Variants in GPATCH3 observed in about 807,000 individuals in gnomAD.
GPATCH3 encodes G-patch domain containing 3.
GPATCH3 carries 45 observed loss-of-function variants against 53.2 expected under a neutral mutation model. The ratio of observed to expected loss-of-function variants is 0.85; its 90% confidence interval spans 0.67 to 1.08. The LOEUF is 1.08. Ranked by LOEUF, GPATCH3 falls within the 50% of genes least tolerant of loss-of-function variation. The probability of loss-of-function intolerance (pLI) is 0.00; values close to 1 mark genes in which losing one functional copy is unlikely to be tolerated. For missense variants in GPATCH3, 680 were observed against 687.2 expected, an observed-to-expected ratio of 0.99 and a Z score of 0.12; for synonymous variants, 280 against 270.6, an observed-to-expected ratio of 1.03 and a Z score of -0.34.
At chr1:26,893,693 G>C (rs533640456) in intron 3 of GPATCH3, among the ~76,000 whole-genome samples, 22 of 151,938 alleles carry the variant, frequency 1.4e-4, no homozygotes, top group Non-Finnish European at 2.4e-4. Context: ...GCTAATTTTT[G>C]TATTTTTCAT....
intron 1 of GPATCH3, among the ~76,000 whole-genome samples, chr1:26,898,549 A>G (rs1376005354): frequency 6.6e-6 from 1 of 151,046 alleles, no homozygotes; most frequent in African/African-American, 2.4e-5. Context: ...GCCTCAAGTG[A>G]TATCTACCCA....
Position 26,897,567 on chromosome 1 carries a change from C to T in GPATCH3, c.610G>A (p.Glu204Lys). 1.2e-6 allele frequency: 2 copies of T among 1,614,220 alleles called. No homozygotes were observed. Among genetic ancestry groups the T allele is most frequent in the Non-Finnish European group, 1.7e-6 (2 of 1,180,050 alleles). ...GGTAGGCGGCAGGCCCGGATCAACT[C>T]CAAAAAGACCCGCAGGGGAGTCCCC... ...NVGTPLRVFL[E>K]LIRACRLPPR... Residue 204 changes from glutamate (E) to lysine (K), a missense_variant, in exon 2 of 7, where the codon GAG becomes AAG. Coordinates refer to ENST00000361720, the MANE Select transcript of GPATCH3 (RefSeq NM_022078.3).
intron 6 of GPATCH3, among the ~76,000 whole-genome samples, chr1:26,891,468 C>T (rs1041898875): frequency 6.6e-6 from 1 of 151,724 alleles, no homozygotes; most frequent in African/African-American, 2.4e-5. Flanking sequence ...GTCCAAACTC[C>T]TCCAACAAAG....
chr1:26,894,134 T>C (rs78128878), intron 3 of GPATCH3, 102 bp downstream of exon 3: 75,387 of 1,189,602 alleles, frequency 0.063, 2,736 homozygotes, highest in Non-Finnish European at 0.073. Flanking sequence ...TTCCCTAGCC[T>C]TTTGTTTGGG....
chr1:26,898,665 TTTC>T (rs1183652058), intron 1 of GPATCH3, among the ~76,000 whole-genome samples: 1 of 151,734 alleles, frequency 6.6e-6, no homozygotes, highest in Non-Finnish European at 1.5e-5. Context: ...ATTTCTTTTT[TTTC>T]TTCTTTTTTT....
At position 26,897,515 on chromosome 1, in the gene GPATCH3, AGC is replaced by A; in HGVS notation, c.660_661del (p.Gln220HisfsTer18). The A allele has an allele frequency of 6.2e-7, 1 of 1,614,202 alleles. No homozygotes were observed. The highest frequency in any genetic ancestry group is 1.1e-5 in the South Asian group (1 of 91,082). ...GGAGGAACCTGTCTTGGGGAACTGG[AGC>A]TGCAGCTGGGTGATGATCCGAGGGG... On this transcript the variant is annotated frameshift_variant, in exon 2 of 7. Transcript: ENST00000361720. LOFTEE classifies it high-confidence loss of function.
At chr1:26,895,540 AAAAGG>A (rs1319834030) in intron 2 of GPATCH3, among the ~76,000 whole-genome samples, 1 of 151,084 alleles carries the variant, frequency 6.6e-6, no homozygotes, top group Admixed American at 6.6e-5. Context: ...AAAAAAAAAA[AAAAGG>A]AAAGGAAGGA....
At chr1:26,896,858 T>C (rs1411525658) in intron 2 of GPATCH3, among the ~76,000 whole-genome samples, 1 of 149,332 alleles carries the variant, frequency 6.7e-6, no homozygotes, top group Non-Finnish European at 1.5e-5. Flanking sequence ...CCGTCTCTAC[T>C]AAAAATACAA....
chr1:26,890,822 G>A lies in GPATCH3; in HGVS notation c.*188C>T. The A allele has an allele frequency of 1.3e-6, 1 of 776,426 alleles. No individual in the cohort carries two copies. The highest frequency in any genetic ancestry group is 2.4e-6 in the Non-Finnish European group (1 of 417,654). 48.1% of individuals were successfully genotyped at this position (776,426 alleles called of 1,614,324 possible). A position where few individuals can be genotyped will look rare whatever the true frequency, so the allele number is the denominator to read the frequency against. ...GTTACCCCTAATATCCAAGGGGAGG[G>A]GACGGGAGGGGGCTTTTTGTAAAAA... On this transcript the variant is annotated 3_prime_UTR_variant, in exon 7 of 7. Transcript: ENST00000361720.
chr1:26,892,924 G>A (rs1018565538), intron 4 of GPATCH3, 133 bp from the exon 5 acceptor site: 1 of 1,132,676 alleles, frequency 8.8e-7, no homozygotes, highest in Non-Finnish European at 1.3e-6. Context: ...TAGACTGGGA[G>A]CTCCCCAAAA....
At position 26,890,688 on chromosome 1, in the gene GPATCH3, C is replaced by A; in HGVS notation, c.*322G>T. 2.0e-6 allele frequency: 1 copy of A among 494,706 alleles called. No individual in the cohort carries two copies. Among genetic ancestry groups the A allele is most frequent in the Non-Finnish European group, 3.9e-6 (1 of 254,666 alleles). 30.6% of individuals were successfully genotyped at this position (494,706 alleles called of 1,614,324 possible). A position where few individuals can be genotyped will look rare whatever the true frequency, so the allele number is the denominator to read the frequency against. On this transcript the variant is annotated 3_prime_UTR_variant, in exon 7 of 7. Coordinates refer to ENST00000361720, the MANE Select transcript of GPATCH3 (RefSeq NM_022078.3). ...GCCTTCGTGGGGACACCTTCAGAGT[C>A]CCCAAGGAAGGCTGTGCTGATAGCC...
intron 1 of GPATCH3, among the ~76,000 whole-genome samples, chr1:26,899,678 A>G (rs2081966233): frequency 1.3e-5 from 2 of 152,220 alleles, no homozygotes; most frequent in South Asian, 2.1e-4. Context: ...AGAGCAGGAG[A>G]GAAAGACAGT....
At chr1:26,897,816 TTCCCTAGTAAACATCTAGTAAA>T (rs1483698030) in intron 1 of GPATCH3, 91 bp from the exon 2 acceptor site, 32 of 1,053,606 alleles carry the variant, frequency 3.0e-5, no homozygotes, top group Non-Finnish European at 4.0e-5. Flanking sequence ...CTGTTAGCCT[TTCCCTAGTAAACATCTAGTAAA>T]TCCCTAGTAA....
In GPATCH3 at chr1:26,891,075, G is replaced by C; in HGVS notation, c.1513C>G (p.Arg505Gly). The C allele has an allele frequency of 6.2e-7, 1 of 1,614,138 alleles. No individual in the cohort carries two copies. Among genetic ancestry groups the C allele is most frequent in the East Asian group, 2.2e-5 (1 of 44,884 alleles). Residue 505 changes from arginine (R) to glycine (G), a missense_variant, in exon 7 of 7, where the codon CGG (arginine) becomes GGG (glycine). Physicochemically the swap from Arg to Gly is moderately radical, Grantham distance 125. Coordinates refer to ENST00000361720, the MANE Select transcript of GPATCH3 (RefSeq NM_022078.3). Reference sequence around the variant, plus strand: ...CCCCTCACAAAGGCCATGTCTGTCCGAAACTTCATGCTGGTGGGTGGCTGG... The same window carrying C: ...CCCCTCACAAAGGCCATGTCTGTCCCAAACTTCATGCTGGTGGGTGGCTGG... ...RRQPPTSMKF[R>G]TDMAFVRGSS...
rs1486209579 is a variant in GPATCH3 at position 26,890,823 on chromosome 1, G to A, written c.*187C>T. ...TTACCCCTAATATCCAAGGGGAGGG[G>A]ACGGGAGGGGGCTTTTTGTAAAAAT... On this transcript the variant is annotated 3_prime_UTR_variant, in exon 7 of 7. Coordinates refer to ENST00000361720, the MANE Select transcript of GPATCH3 (RefSeq NM_022078.3). 1.3e-6 allele frequency: 1 copy of A among 776,950 alleles called. No homozygotes were observed. The highest frequency in any genetic ancestry group is 1.4e-5 in the South Asian group (1 of 73,754). 48.1% of individuals were successfully genotyped at this position (776,950 alleles called of 1,614,324 possible).
At chr1:26,896,121 G>A (rs2081949716) in intron 2 of GPATCH3, among the ~76,000 whole-genome samples, 1 of 152,170 alleles carries the variant, frequency 6.6e-6, no homozygotes, top group African/African-American at 2.4e-5. Context: ...CTGACTCTAG[G>A]TCAGAAAATA....
In GPATCH3 at chr1:26,890,821, G is replaced by A. The variant is rs750578269; in HGVS notation, c.*189C>T. The stretch of plus-strand genomic sequence containing the variant: ...CGTTACCCCTAATATCCAAGGGGAG[G>A]GGACGGGAGGGGGCTTTTTGTAAAA... On this transcript the variant is annotated 3_prime_UTR_variant, in exon 7 of 7. Coordinates refer to ENST00000361720, the MANE Select transcript of GPATCH3 (RefSeq NM_022078.3). 2.6e-6 allele frequency: 2 copies of A among 775,604 alleles called. No homozygotes were observed. Among genetic ancestry groups the A allele is most frequent in the South Asian group, 2.7e-5 (2 of 73,732 alleles). The allele number at this position is 775,604 out of a possible 1,614,324, so 48.0% of individuals were successfully genotyped here.
In GPATCH3 at chr1:26,897,562, C is replaced by G. The variant is rs958544764; in HGVS notation, c.615G>C (p.Leu205Phe). The G allele has an allele frequency of 5.6e-6, 9 of 1,614,202 alleles. No individual in the cohort carries two copies. Among genetic ancestry groups the G allele is most frequent in the Non-Finnish European group, 7.6e-6 (9 of 1,180,040 alleles). ...VGTPLRVFLELIRACRLPPRI... is the reference protein window; with the variant it reads ...VGTPLRVFLEFIRACRLPPRI... ...GAGGGGGTAGGCGGCAGGCCCGGATCAACTCCAAAAAGACCCGCAGGGGAG... is the reference window on the plus strand; with the variant it reads ...GAGGGGGTAGGCGGCAGGCCCGGATGAACTCCAAAAAGACCCGCAGGGGAG... Residue 205 changes from leucine to phenylalanine, a missense_variant, in exon 2 of 7, where the codon TTG (leucine) becomes TTC (phenylalanine). Physicochemically the swap from Leu to Phe is conservative, Grantham distance 22. Transcript: ENST00000361720.
At chr1:26,891,700 C>A (rs1261440771) in intron 6 of GPATCH3, among the ~76,000 whole-genome samples, 1 of 151,818 alleles carries the variant, frequency 6.6e-6, no homozygotes, top group African/African-American at 2.4e-5. Flanking sequence ...GCGCATGCCA[C>A]CATGCCCAGC....
Sources: gnomAD v4.1 joint callset for allele counts (sites outside exome capture counted in the v4.1 genomes callset) on GRCh38, gnomAD v4.1.1 for gene constraint, MANE v1.5 for transcripts, NCBI Gene and HGNC (gene_info 2026-07-23, HGNC 2026-07-21) for gene names.